Variants in DMD observed in about 807,000 individuals in gnomAD.
The protein encoded by DMD is mutant dystrophin.
DMD carries 63 observed loss-of-function variants against 330.1 expected under a neutral mutation model. The observed-to-expected ratio is 0.19, with a 90% CI of 0.16 to 0.24. The LOEUF is 0.24. Ranked by LOEUF, DMD falls within the 10% of genes least tolerant of loss-of-function variation. The probability of loss-of-function intolerance (pLI) is 1.00; values close to 1 mark genes in which losing one functional copy is unlikely to be tolerated. For missense variants in DMD, 3,344 were observed against 2,684.1 expected (o/e 1.25, Z -5.43); for synonymous variants, 1,223 against 959.8 (o/e 1.27, Z -5.07).
At chrX:31,994,400 T>TGAAC (rs998794696) in intron 44 of DMD, among the ~76,000 whole-genome samples, 1 of 112,032 alleles carries the variant, frequency 8.9e-6, no homozygotes, top group African/African-American at 3.2e-5. Context: ...AAAATTCCCA[T>TGAAC]GAACGCTGTC....
chrX:32,819,231 G>A (rs902317831), intron 5 of DMD, among the ~76,000 whole-genome samples: 3 of 110,788 alleles, frequency 2.7e-5, no homozygotes, highest in Non-Finnish European at 5.7e-5. Flanking sequence ...GACTTGGTAG[G>A]CAGGAATTTA....
intron 60 of DMD, among the ~76,000 whole-genome samples, chrX:31,405,548 T>C (rs2148864494): frequency 9.0e-6 from 1 of 111,095 alleles, no homozygotes; most frequent in Admixed American, 9.7e-5. Flanking sequence ...CAACCATCTA[T>C]AATTGACAAA....
chrX:31,896,239 A>G (rs1035430682), intron 47 of DMD, among the ~76,000 whole-genome samples: 4 of 112,313 alleles, frequency 3.6e-5, no homozygotes, highest in Middle Eastern at 4.6e-3. Flanking sequence ...CACCAATAAT[A>G]AGTTGAAAAT....
rs1179062288 is a variant in DMD, at chrX:31,121,545, A to ATTT, written c.*371_*373dup. The ATTT allele has an allele frequency of 4.3e-6, 1 of 234,589 alleles. No individual in the cohort carries two copies. Among genetic ancestry groups the ATTT allele is most frequent in the Non-Finnish European group, 7.6e-6 (1 of 131,279 alleles). The allele number at this position is 234,589 out of a possible 1,213,427, so 19.3% of individuals were successfully genotyped here. ...CAATCTTTCTTTATAACTGTTATAA[A>ATTT]TTTTTAAACAACCCAAAATGCGTTC... On this transcript the variant is annotated 3_prime_UTR_variant, in exon 79 of 79. Transcript: ENST00000357033.
intron 77 of DMD, among the ~76,000 whole-genome samples, chrX:31,128,022 C>T (rs1427909701): frequency 9.0e-6 from 1 of 111,383 alleles, no homozygotes; most frequent in Non-Finnish European, 1.9e-5. Flanking sequence ...GTACTAGCTC[C>T]TCAGCTGTGG....
intron 9 of DMD, among the ~76,000 whole-genome samples, chrX:32,652,547 T>C (rs1473595508): frequency 1.8e-5 from 2 of 110,607 alleles, no homozygotes; most frequent in African/African-American, 3.3e-5. Context: ...CGATGGACAT[T>C]TGGGTTGGTT....
chrX:32,809,149 C>A (rs2077161128), intron 7 of DMD, among the ~76,000 whole-genome samples: 1 of 111,442 alleles, frequency 9.0e-6, no homozygotes, highest in Non-Finnish European at 1.9e-5. Context: ...TAGCTGATTA[C>A]TCTATCAAAT....
intron 42 of DMD, among the ~76,000 whole-genome samples, 159 bp downstream of exon 42, chrX:32,309,923 A>G (rs1191246777): frequency 9.0e-6 from 1 of 111,466 alleles, no homozygotes. Flanking sequence ...TTTCTACCCT[A>G]GATTTCTGAA....
chrX:32,877,335 T>A, intron 2 of DMD, among the ~76,000 whole-genome samples: 1 of 112,826 alleles, frequency 8.9e-6, no homozygotes, highest in Middle Eastern at 4.6e-3. Context: ...AAAACTATTT[T>A]GTTCCGGAAA....
Position 31,231,892 on chromosome X carries a change from TAACA to T in DMD, c.9287-8775_9287-8772del, listed in dbSNP as rs764071706. On this transcript the variant is annotated intron_variant, in intron 63 of 78. Coordinates refer to ENST00000357033, the MANE Select transcript of DMD (RefSeq NM_004006.3). ...GAGCAAAACTCCGTCTCAAACAAAC[TAACA>T]AACAAATATTCATATGTACTGTGGT... 5.4e-5 allele frequency among the ~76,000 whole-genome samples: 6 copies of T among 110,181 alleles called. No individual in the cohort carries two copies. The East Asian group carries it at 1.7e-3, about 31-fold the overall frequency.
At chrX:32,684,819 ATTGAT>A (rs1236838658) in intron 9 of DMD, among the ~76,000 whole-genome samples, 1 of 110,860 alleles carries the variant, frequency 9.0e-6, no homozygotes, top group African/African-American at 3.3e-5. Flanking sequence ...AGTTTTACTT[ATTGAT>A]TTATCAGCAT....
At chrX:31,265,108 T>C (rs1489255223) in intron 62 of DMD, among the ~76,000 whole-genome samples, 1 of 112,419 alleles carries the variant, frequency 8.9e-6, no homozygotes, top group Non-Finnish European at 1.9e-5. Flanking sequence ...GGGAGAAAAC[T>C]AATCGCTATG....
chrX:32,590,838 T>C (rs1412697558), intron 13 of DMD, among the ~76,000 whole-genome samples: 1 of 111,348 alleles, frequency 9.0e-6, no homozygotes, highest in Non-Finnish European at 1.9e-5. Flanking sequence ...AGCTTGCAGA[T>C]GGCGTATCAT....
chrX:32,829,680 G>T (rs757593454), intron 4 of DMD, among the ~76,000 whole-genome samples: 1 of 110,642 alleles, frequency 9.0e-6, no homozygotes, highest in Non-Finnish European at 1.9e-5. Context: ...AAATCTTATG[G>T]CTATACAGTT....
At chrX:32,215,180 A>T (rs1294147709) in intron 44 of DMD, among the ~76,000 whole-genome samples, 1 of 111,786 alleles carries the variant, frequency 8.9e-6, no homozygotes, top group Non-Finnish European at 1.9e-5. Context: ...TATAAAACAA[A>T]TTACAGAGAA....
chrX:33,226,010 A>T (rs2052280460), intron 1 of DMD, among the ~76,000 whole-genome samples: 1 of 111,434 alleles, frequency 9.0e-6, no homozygotes, highest in Non-Finnish European at 1.9e-5. Context: ...TTCGAATTAA[A>T]ACCTCAATAC....
rs1007817683 is a variant in DMD, at chrX:31,284,440, T to C, written c.9225-23424A>G. Among the ~76,000 whole-genome samples, 3 of 111,546 alleles carry C rather than the reference T, an allele frequency of 2.7e-5. No homozygotes were observed. The Admixed American group carries it at 2.9e-4, about 11-fold the overall frequency. On this transcript the variant is annotated intron_variant, in intron 62 of 78. Transcript: ENST00000357033. ...AAGTTCAGCATAGGCATTTAGTATA[T>C]GTTGAGCCTTAGGGAACTCATTTAT...
At chrX:33,040,320 A>C (rs1001719754) in intron 1 of DMD, among the ~76,000 whole-genome samples, 2 of 109,555 alleles carry the variant, frequency 1.8e-5, no homozygotes, top group South Asian at 4.0e-4. Context: ...AAACTCTACC[A>C]CCCATGGGAC....
chrX:32,584,004 C>T (rs969487433), intron 13 of DMD, among the ~76,000 whole-genome samples: 4 of 110,704 alleles, frequency 3.6e-5, no homozygotes, highest in East Asian at 2.8e-4. Context: ...TATATCATTA[C>T]GGAGTGAAAA....
Sources: allele counts gnomAD v4.1 joint callset (sites outside exome capture counted in the v4.1 genomes callset), GRCh38; gene constraint gnomAD v4.1.1; transcripts MANE v1.5; gene names NCBI Gene and HGNC (gene_info 2026-07-23, HGNC 2026-07-21).